TMCC1: variants seen among roughly 807,000 people sequenced by gnomAD.
TMCC1 encodes transmembrane and coiled-coil domain family 1, also known as transmembrane and coiled-coil domains protein 1.
Under a neutral mutation model 52.4 loss-of-function variants are expected in TMCC1, and 15 were observed. The observed-to-expected ratio is 0.29, with a 90% CI of 0.19 to 0.44. TMCC1 has a LOEUF of 0.44. Among genes scored for constraint, TMCC1 ranks in the 20% least tolerant of loss-of-function variants. The pLI is 1.00. For missense variants in TMCC1, 503 were observed against 806.0 expected (o/e 0.62, Z 4.55); for synonymous variants, 279 against 301.9 (o/e 0.92, Z 0.79).
chr3:129,764,739 G>GTA (rs1206748209), intron 4 of TMCC1, among the ~76,000 whole-genome samples: 10 of 3,126 alleles, frequency 3.2e-3, no homozygotes, highest in African/African-American at 8.0e-3. Context: ...AATATTGTGT[G>GTA]TGTGTGTGTG....
chr3:129,731,089 A>G (rs1216249141), intron 4 of TMCC1, among the ~76,000 whole-genome samples: 3 of 152,218 alleles, frequency 2.0e-5, no homozygotes, highest in Non-Finnish European at 4.4e-5. Context: ...TCATACTAGC[A>G]AATCAAACCT....
Position 129,677,543 on chromosome 3 carries a change from C to T in TMCC1, c.577-6279G>A, listed in dbSNP as rs371133702. On this transcript the variant is annotated intron_variant, in intron 4 of 6. Transcript: ENST00000393238. ...TACAAGTTAATTCCTGCTACAAATA[C>T]TTCAATGATACAGTGTCATTAAAAC... Among the ~76,000 whole-genome samples, 62 of 152,328 alleles carry T rather than the reference C, an allele frequency of 4.1e-4. 1 individual carries two copies. Among genetic ancestry groups the T allele is most frequent in the African/African-American group, 1.4e-3 (58 of 41,576 alleles).
chr3:129,788,436 T>C (rs6439199), intron 4 of TMCC1, among the ~76,000 whole-genome samples: 150,138 of 152,308 alleles, frequency 0.99, 74,036 homozygotes, highest in East Asian at 1. Flanking sequence ...CAACAATACA[T>C]GACATTGATC....
intron 4 of TMCC1, among the ~76,000 whole-genome samples, chr3:129,738,293 GA>G (rs2051157523): frequency 3.5e-5 from 5 of 144,580 alleles, no homozygotes; most frequent in Non-Finnish European, 6.1e-5. Context: ...AAAAAAAAGA[GA>G]AGAAGAAAAA....
intron 2 of TMCC1, among the ~76,000 whole-genome samples, chr3:129,870,510 C>T (rs373693278): frequency 1.8e-4 from 27 of 151,740 alleles, no homozygotes; most frequent in Admixed American, 1.1e-3. Context: ...GAGGCCGAGG[C>T]GGGCAGATCA....
At chr3:129,660,115 T>G (rs566137333) in intron 5 of TMCC1, among the ~76,000 whole-genome samples, 10 of 152,218 alleles carry the variant, frequency 6.6e-5, no homozygotes. Flanking sequence ...CACTGTTCAC[T>G]GATTCCCACT....
At chr3:129,727,212 TGCCTTATAGCTTCACTA>T (rs1321113050) in intron 4 of TMCC1, among the ~76,000 whole-genome samples, 1 of 152,208 alleles carries the variant, frequency 6.6e-6, no homozygotes, top group African/African-American at 2.4e-5. Context: ...TTGGTATTCC[TGCCTTATAGCTTCACTA>T]TATAAATCCT....
intron 4 of TMCC1, among the ~76,000 whole-genome samples, chr3:129,824,548 AG>A (rs2058573907): frequency 6.6e-6 from 1 of 152,224 alleles, no homozygotes; most frequent in African/African-American, 2.4e-5. Flanking sequence ...TTTATATTAA[AG>A]GAAACTCAGT....
chr3:129,665,565 A>C (rs2087384541), intron 5 of TMCC1, among the ~76,000 whole-genome samples: 1 of 152,236 alleles, frequency 6.6e-6, no homozygotes, highest in South Asian at 2.1e-4. Flanking sequence ...AAAATATGTT[A>C]AAAACAGTGA....
intron 4 of TMCC1, among the ~76,000 whole-genome samples, chr3:129,767,681 A>G (rs943939297): frequency 2.6e-5 from 4 of 152,164 alleles, no homozygotes; most frequent in Non-Finnish European, 4.4e-5. Flanking sequence ...GCCCTAAACA[A>G]CCAATAATCT....
intron 4 of TMCC1, among the ~76,000 whole-genome samples, chr3:129,710,323 ATTT>A (rs2048578387): frequency 6.6e-6 from 1 of 152,166 alleles, no homozygotes; most frequent in South Asian, 2.1e-4. Flanking sequence ...ATTTTTCCAA[ATTT>A]TTAAGTTTTT....
intron 4 of TMCC1, among the ~76,000 whole-genome samples, chr3:129,818,021 G>A (rs2058191175): frequency 6.6e-6 from 1 of 152,054 alleles, no homozygotes; most frequent in South Asian, 2.1e-4. Flanking sequence ...TGTTGGCCAG[G>A]CTGGTCTCAA....
intron 4 of TMCC1, among the ~76,000 whole-genome samples, chr3:129,715,068 GA>G (rs886959192): frequency 2.0e-5 from 3 of 152,140 alleles, no homozygotes; most frequent in African/African-American, 7.2e-5. Context: ...AGGTATTGAA[GA>G]TGCACACATA....
chr3:129,654,881 C>T lies in TMCC1; in HGVS notation c.1647+87G>A. ...GTATAAGCTTTTCTTTGTTCTCTAC[C>T]TTCTCATCTTTTTTCCTTCCGCTGT... On this transcript the variant is annotated intron_variant, in intron 6 of 6. Coordinates refer to ENST00000393238, the MANE Select transcript of TMCC1 (RefSeq NM_001017395.5). 4.0e-6 allele frequency: 6 copies of T among 1,504,642 alleles called. No homozygotes were observed. The South Asian group carries it at 5.2e-5, about 13-fold the overall frequency. The allele number at this position is 1,504,642 out of a possible 1,614,324, so 93.2% of individuals were successfully genotyped here.
chr3:129,845,237 C>A (rs564979179), intron 2 of TMCC1, among the ~76,000 whole-genome samples: 12 of 151,934 alleles, frequency 7.9e-5, no homozygotes, highest in Admixed American at 4.6e-4. Flanking sequence ...GAACTACTTC[C>A]ATAATGGGCC....
intron 2 of TMCC1, among the ~76,000 whole-genome samples, chr3:129,855,285 GTT>G (rs1234543347): frequency 6.6e-6 from 1 of 152,020 alleles, no homozygotes; most frequent in African/African-American, 2.4e-5. Context: ...AGTTTTTTGA[GTT>G]TTTCTTAACA....
At position 129,671,210 on chromosome 3, in the gene TMCC1, T is replaced by C; in HGVS notation, c.631A>G (p.Ser211Gly). The change falls in exon 5 of 7, where the codon AGT becomes GGT. Residue 211 changes from serine to glycine, a missense_variant. Physicochemically the swap from Ser to Gly is moderately conservative, Grantham distance 56. Around this residue, in one of 7 missense-constraint regions of TMCC1, gnomAD observed 217 missense variants for 297.9 expected, o/e 0.73. Coordinates refer to ENST00000393238, the MANE Select transcript of TMCC1 (RefSeq NM_001017395.5). ...LAQTSSAVASSTDGSIHTDSV... is the reference protein window; with the variant it reads ...LAQTSSAVASGTDGSIHTDSV... ...TCTGTGTGGATGCTGCCATCGGTAC[T>C]GGAGGCCACTGCACTGGATGTTTGG... is the stretch of plus-strand genomic sequence containing the variant. 1.2e-6 allele frequency: 2 copies of C among 1,614,188 alleles called. No individual in the cohort carries two copies. Among genetic ancestry groups the C allele is most frequent in the Admixed American group, 1.7e-5 (1 of 60,022 alleles).
In TMCC1 at chr3:129,671,015, G is replaced by A. The variant is rs899693120; in HGVS notation, c.826C>T (p.Arg276Cys). The A allele has an allele frequency of 1.2e-6, 2 of 1,614,108 alleles. No individual in the cohort carries two copies. The highest frequency in any genetic ancestry group is 1.7e-6 in the Non-Finnish European group (2 of 1,180,010). The stretch of plus-strand genomic sequence containing the variant: ...TTCTTCTCAAAGACTTGCTTGATGC[G>A]GGCAGCCTGCTGTTTGTCTGCACTG... ...ANSADKQQAA[R>C]IKQVFEKKNQ... Residue 276 changes from arginine (R) to cysteine (C), a missense_variant, in exon 5 of 7, where the codon CGC becomes TGC. Physicochemically the swap from Arg to Cys is radical, Grantham distance 180 (BLOSUM62 -3). This residue lies in a region of TMCC1 where 73 missense variants were observed against 182.9 expected (regional missense o/e 0.40). Coordinates refer to ENST00000393238, the MANE Select transcript of TMCC1 (RefSeq NM_001017395.5).
At chr3:129,765,322 T>A (rs762998958) in intron 4 of TMCC1, among the ~76,000 whole-genome samples, 35 of 152,026 alleles carry the variant, frequency 2.3e-4, no homozygotes, top group Non-Finnish European at 4.4e-4. Context: ...AATAGCTGTC[T>A]TTAAAACCCT....
Sources: gnomAD v4.1 joint callset for allele counts (sites outside exome capture counted in the v4.1 genomes callset) on GRCh38, gnomAD v4.1.1 for gene constraint, gnomAD v4.1.1 regional missense constraint, MANE v1.5 for transcripts, NCBI Gene and HGNC (gene_info 2026-07-23, HGNC 2026-07-21) for gene names.